Variants in EMILIN1 observed in about 807,000 individuals in gnomAD.
EMILIN1 encodes the protein EMILIN-1.
Under a neutral mutation model 82.4 loss-of-function variants are expected in EMILIN1, and 49 were observed. The observed-to-expected ratio is 0.59, with a 90% confidence interval of 0.47 to 0.75. The LOEUF is 0.75. Ranked by LOEUF, EMILIN1 falls within the 30% of genes least tolerant of loss-of-function variation. The pLI is 0.00. For synonymous variants in EMILIN1, 604 were observed against 602.2 expected, an observed-to-expected ratio of 1.00 and a Z score of -0.04; for missense variants, 1,313 against 1,366.4, an observed-to-expected ratio of 0.96 and a Z score of 0.62.
chr2:27,079,834 G>A (rs1319853227), intron 1 of EMILIN1, among the ~76,000 whole-genome samples: 2 of 152,198 alleles, frequency 1.3e-5, no homozygotes, highest in Non-Finnish European at 2.9e-5. Context: ...GCCAATCTGG[G>A]GACTGAGACA....
In EMILIN1 at chr2:27,083,835, TGGCTGGGCTCTG is replaced by T; in HGVS notation, c.2275_2286del (p.Trp759_Leu762del). The T allele has an allele frequency of 1.2e-6, 2 of 1,600,454 alleles. No homozygotes were observed. Among genetic ancestry groups the T allele is most frequent in the South Asian group, 1.1e-5 (1 of 90,138 alleles). On this transcript the variant is annotated inframe_deletion, in exon 4 of 8. Coordinates refer to ENST00000380320, the MANE Select transcript of EMILIN1 (RefSeq NM_007046.4). ...CTGCGCGAGGGCCTTTCCAGACACG[TGGCTGGGCTCTG>T]GGCTGGGCTCCGGGAAACCAACACC...
intron 3 of EMILIN1, among the ~76,000 whole-genome samples, chr2:27,081,399 G>C (rs1669474250): frequency 6.6e-6 from 1 of 152,116 alleles, no homozygotes. Flanking sequence ...GGAGACCGCA[G>C]GTCCCAGCAT....
chr2:27,080,930 C>T lies in EMILIN1; in HGVS notation c.489C>T (p.Pro163=). ...PNLSGSSAGS[P]LSGLGGEGPG... ...TCTCTGGCTCCAGTGCAGGCAGCCC[C>T]CTCAGTGGACTGGGGGGAGAAGGTG... Residue 163 remains proline, a synonymous_variant, in exon 3 of 8, where the codon CCC becomes CCT. Coordinates refer to ENST00000380320, the MANE Select transcript of EMILIN1 (RefSeq NM_007046.4). 1 of 1,596,796 alleles carries T rather than the reference C, an allele frequency of 6.3e-7. No individual in the cohort carries two copies.
intron 3 of EMILIN1, 37 bp downstream of exon 3, chr2:27,080,989 A>G: frequency 6.9e-7 from 1 of 1,452,134 alleles, no homozygotes; most frequent in East Asian, 2.4e-5. Context: ...GGCAAGTTCC[A>G]AATGGTGATC....
chr2:27,086,004 G>T lies in EMILIN1; in HGVS notation c.3040G>T (p.Glu1014Ter). The change falls in exon 8 of 8, where the codon GAA becomes TAA. Residue 1014 changes from glutamate (E) to a stop codon, truncating the protein, a stop_gained. Transcript: ENST00000380320. LOFTEE classifies it high-confidence loss of function. ...GALLYGDPELEHA is the reference protein window; with the variant it reads ...GALLYGDPEL The stretch of plus-strand genomic sequence containing the variant: ...CCTGCTCTATGGGGACCCAGAGCTT[G>T]AACACGCGTAGACTGGGGTCCCGCC... 6.9e-7 allele frequency: 1 copy of T among 1,456,484 alleles called. No homozygotes were observed. The highest frequency in any genetic ancestry group is 9.1e-7 in the Non-Finnish European group (1 of 1,096,568). The allele number at this position is 1,456,484 out of a possible 1,614,324, so 90.2% of individuals were successfully genotyped here.
At chr2:27,084,753 C>T (rs1558435290) in intron 5 of EMILIN1, among the ~76,000 whole-genome samples, 1 of 152,208 alleles carries the variant, frequency 6.6e-6, no homozygotes, top group Admixed American at 6.5e-5. Flanking sequence ...ATGTTGGCCC[C>T]ACTGCAGTAC....
chr2:27,081,045 G>A (rs1252358100), intron 3 of EMILIN1, 93 bp downstream of exon 3: 25 of 966,876 alleles, frequency 2.6e-5, no homozygotes, highest in African/African-American at 1.3e-4. Context: ...GGAGTCCCCC[G>A]TGCTCTATGC....
chr2:27,082,567 G>C lies in EMILIN1; in HGVS notation c.996G>C (p.Ser332=). The C allele has an allele frequency of 6.5e-7, 1 of 1,542,530 alleles. No individual in the cohort carries two copies. The highest frequency in any genetic ancestry group is 8.7e-7 in the Non-Finnish European group (1 of 1,144,678). The change falls in exon 4 of 8, where the codon TCG becomes TCC. Residue 332 remains serine, a synonymous_variant. Coordinates refer to ENST00000380320, the MANE Select transcript of EMILIN1 (RefSeq NM_007046.4). The stretch of plus-strand genomic sequence containing the variant: ...GAGCGATGGAGAAGCTGCTGGCCTC[G>C]GTGGAGGAGCGGCAACGGCACCTCG... The part of the protein sequence containing the change: ...RLRAMEKLLA[S]VEERQRHLAG...
chr2:27,080,735 C>T lies in EMILIN1; in HGVS notation c.294C>T (p.Tyr98=), dbSNP rs1365522746. The T allele has an allele frequency of 1.2e-6, 2 of 1,611,822 alleles. No individual in the cohort carries two copies. The highest frequency in any genetic ancestry group is 1.3e-5 in the African/African-American group (1 of 74,916). Reference sequence around the variant, plus strand: ...GGCCTCCTTCTGCCTCTGCCAGGTACCGCCGCTTCCTCCGCCCTCGCTACC... The same window carrying T: ...GGCCTCCTTCTGCCTCTGCCAGGTATCGCCGCTTCCTCCGCCCTCGCTACC... ...GQPQCPQSIM[Y]RRFLRPRYRV... is the part of the protein sequence containing the mutation. The change falls in exon 3 of 8, where the codon TAC becomes TAT. Residue 98 remains tyrosine (Y), a synonymous_variant. Coordinates refer to ENST00000380320, the MANE Select transcript of EMILIN1 (RefSeq NM_007046.4).
Position 27,083,364 on chromosome 2 carries a change from G to C in EMILIN1, c.1793G>C (p.Gly598Ala), listed in dbSNP as rs1264830831. The change falls in exon 4 of 8, where the codon GGT becomes GCT. Residue 598 changes from glycine to alanine, a missense_variant. By Grantham distance (60) the Gly-to-Ala change is moderately conservative (BLOSUM62 0). Transcript: ENST00000380320. ...VQEELGRLRD[G>A]VERCSCPLLP... is the part of the protein sequence containing the mutation. ...GAGGAACTAGGCCGCCTTCGGGATG[G>C]TGTGGAGCGCTGCTCCTGCCCCCTG... 3 of 1,612,576 alleles carry C rather than the reference G, an allele frequency of 1.9e-6. No homozygotes were observed. Among genetic ancestry groups the C allele is most frequent in the African/African-American group, 2.7e-5 (2 of 74,950 alleles).
Position 27,083,303 on chromosome 2 carries a change from G to A in EMILIN1, c.1732G>A (p.Gly578Arg). 1.9e-6 allele frequency: 3 copies of A among 1,613,270 alleles called. No individual in the cohort carries two copies. Among genetic ancestry groups the A allele is most frequent in the Non-Finnish European group, 2.5e-6 (3 of 1,179,842 alleles). Residue 578 changes from glycine (G) to arginine (R), a missense_variant, in exon 4 of 8, where the codon GGG (glycine) becomes AGG (arginine). Physicochemically the swap from Gly to Arg is moderately radical, Grantham distance 125 (BLOSUM62 -2). Transcript: ENST00000380320. Reference sequence around the variant, plus strand: ...ACTGGAGGGGCTGCTGCAGGCCCATGGGGATGAGGGCTGTGGGGCCTGTGG... The same window carrying A: ...ACTGGAGGGGCTGCTGCAGGCCCATAGGGATGAGGGCTGTGGGGCCTGTGG... ...GQLEGLLQAH[G>R]DEGCGACGGV...
Position 27,082,219 on chromosome 2 carries a change from G to A in EMILIN1, c.648G>A (p.Thr216=), listed in dbSNP as rs1448403629. The part of the protein sequence containing the change: ...LAEDVQRAVE[T]AFNGRQQPAD... ...AGGATGTGCAGAGGGCTGTGGAGAC[G>A]GCCTTCAACGGGAGGCAGCAGCCAG... The change falls in exon 4 of 8, where the codon ACG becomes ACA. Residue 216 remains threonine, a synonymous_variant. Coordinates refer to ENST00000380320, the MANE Select transcript of EMILIN1 (RefSeq NM_007046.4). 34 of 1,613,446 alleles carry A rather than the reference G, an allele frequency of 2.1e-5. No homozygotes were observed. The highest frequency in any genetic ancestry group is 2.8e-5 in the Non-Finnish European group (33 of 1,180,008).
In EMILIN1 at chr2:27,086,101, C is replaced by T. The variant is rs1669627421; in HGVS notation, c.*86C>T. The T allele has an allele frequency of 9.4e-7, 1 of 1,066,938 alleles. No individual in the cohort carries two copies. Among genetic ancestry groups the T allele is most frequent in the Non-Finnish European group, 1.2e-6 (1 of 808,032 alleles). 66.1% of individuals were successfully genotyped at this position (1,066,938 alleles called of 1,614,324 possible). A position where few individuals can be genotyped will look rare whatever the true frequency, so the allele number is the denominator to read the frequency against. Reference sequence around the variant, plus strand: ...TGGGGTCTCGCCTGAGACGGGGCACCTAGCCCTGGGCGAGCGCCGCACCCG... The same window carrying T: ...TGGGGTCTCGCCTGAGACGGGGCACTTAGCCCTGGGCGAGCGCCGCACCCG... On this transcript the variant is annotated 3_prime_UTR_variant, in exon 8 of 8. Coordinates refer to ENST00000380320, the MANE Select transcript of EMILIN1 (RefSeq NM_007046.4).
At chr2:27,084,602 G>A in intron 5 of EMILIN1, 71 bp downstream of exon 5, 1 of 902,686 alleles carries the variant, frequency 1.1e-6, no homozygotes, top group African/African-American at 1.6e-5. Context: ...CCCGCTGGCA[G>A]CCCCAGGCTT....
chr2:27,081,726 G>A (rs1572845755), intron 3 of EMILIN1, among the ~76,000 whole-genome samples: 2 of 152,200 alleles, frequency 1.3e-5, no homozygotes, highest in South Asian at 4.1e-4. Context: ...TGGGCAGGTG[G>A]AAAGGACATG....
rs760975435 is a variant in EMILIN1, at chr2:27,083,591, G to A, written c.2020G>A (p.Asp674Asn). 6.2e-7 allele frequency: 1 copy of A among 1,613,788 alleles called. No individual in the cohort carries two copies. The highest frequency in any genetic ancestry group is 1.1e-5 in the South Asian group (1 of 91,036). The part of the protein sequence containing the change: ...LQTTVEGQGA[D>N]LADLGATKDR... ...GACCACTGTGGAGGGCCAGGGCGCT[G>A]ATCTGGCTGACCTGGGGGCAACCAA... The change falls in exon 4 of 8, where the codon GAT (aspartate) becomes AAT (asparagine). Residue 674 changes from aspartate to asparagine, a missense_variant. Physicochemically the swap from Asp to Asn is conservative, Grantham distance 23 (BLOSUM62 1). Coordinates refer to ENST00000380320, the MANE Select transcript of EMILIN1 (RefSeq NM_007046.4).
chr2:27,078,652 T>G lies in EMILIN1; in HGVS notation c.-414T>G, dbSNP rs551163455. The G allele has an allele frequency of 1.3e-3, 211 of 166,232 alleles. No homozygotes were observed. Among genetic ancestry groups the G allele is most frequent in the African/African-American group, 4.8e-3 (202 of 42,050 alleles). The allele number at this position is 166,232 out of a possible 1,614,324, so 10.3% of individuals were successfully genotyped here. A position where few individuals can be genotyped will look rare whatever the true frequency, so the allele number is the denominator to read the frequency against. ...CCGAACAGCCACAGGGGCAAAGCCC[T>G]GTCACCCCCAGGATCCGGTCATCAG... On this transcript the variant is annotated 5_prime_UTR_variant, in exon 1 of 8. Transcript: ENST00000380320.
chr2:27,084,603 C>A (rs1322663995), intron 5 of EMILIN1, 72 bp downstream of exon 5: 2 of 897,700 alleles, frequency 2.2e-6, no homozygotes, highest in South Asian at 1.4e-5. Flanking sequence ...CCGCTGGCAG[C>A]CCCAGGCTTG....
In EMILIN1 at chr2:27,079,087, AGCT is replaced by A. The variant is rs779221468; in HGVS notation, c.26_28del (p.Cys9del). On this transcript the variant is annotated inframe_deletion, in exon 1 of 8. Coordinates refer to ENST00000380320, the MANE Select transcript of EMILIN1 (RefSeq NM_007046.4). ...CGCCATGGCCCCCCGCACCCTCTGGAGCTGCTACCTCTGCTGCCTGCTGACGGC... is the reference window on the plus strand; with the variant it reads ...CGCCATGGCCCCCCGCACCCTCTGGAGCTACCTCTGCTGCCTGCTGACGGC... 58 of 1,603,746 alleles carry A rather than the reference AGCT, an allele frequency of 3.6e-5. 1 individual carries two copies. The African/African-American group carries it at 5.9e-4, about 16-fold the overall frequency.
Sources: gnomAD v4.1 joint callset for allele counts (sites outside exome capture counted in the v4.1 genomes callset) on GRCh38, gnomAD v4.1.1 for gene constraint, MANE v1.5 for transcripts, NCBI Gene and HGNC (gene_info 2026-07-23, HGNC 2026-07-21) for gene names.